The following TCERG1L variants were observed in gnomAD, a reference collection of about 807,000 sequenced individuals.
TCERG1L encodes the protein transcription elongation regulator 1 like, also known as transcription elongation regulator 1-like protein.
In TCERG1L, 37 loss-of-function variants were observed where a neutral mutation model predicts 56.3. The observed-to-expected ratio is 0.66, with a 90% confidence interval of 0.51 to 0.87. The LOEUF is 0.87. Ranked by LOEUF, TCERG1L falls within the 40% of genes least tolerant of loss-of-function variation. The pLI, the probability that TCERG1L is intolerant of heterozygous loss-of-function variation, is 0.00. For missense variants in TCERG1L, 799 were observed against 774.2 expected, an observed-to-expected ratio of 1.03 and a Z score of -0.38; for synonymous variants, 324 against 326.3, an observed-to-expected ratio of 0.99 and a Z score of 0.08.
At chr10:131,234,906 G>A (rs922354233) in intron 4 of TCERG1L, among the ~76,000 whole-genome samples, 14 of 152,220 alleles carry the variant, frequency 9.2e-5, no homozygotes, top group African/African-American at 3.1e-4. Flanking sequence ...GTTTCATCAT[G>A]TTGGCCAGGA....
At chr10:131,139,416 C>G (rs539719197) in intron 7 of TCERG1L, among the ~76,000 whole-genome samples, 2 of 152,104 alleles carry the variant, frequency 1.3e-5, no homozygotes, top group African/African-American at 2.4e-5. Context: ...GGTAGGGGGA[C>G]AGGAGATGGA....
intron 4 of TCERG1L, among the ~76,000 whole-genome samples, chr10:131,223,314 C>T (rs1226829994): frequency 2.6e-5 from 4 of 152,200 alleles, no homozygotes; most frequent in South Asian, 2.1e-4. Flanking sequence ...CCAATCCAGG[C>T]GTCAAGGTGG....
intron 4 of TCERG1L, among the ~76,000 whole-genome samples, chr10:131,174,257 C>G (rs1589736656): frequency 6.6e-6 from 1 of 152,204 alleles, no homozygotes; most frequent in Non-Finnish European, 1.5e-5. Flanking sequence ...GGTGGTGGCA[C>G]CTCTGACAGA....
intron 3 of TCERG1L, among the ~76,000 whole-genome samples, chr10:131,290,940 G>T (rs75017784): frequency 6.6e-6 from 1 of 152,146 alleles, no homozygotes; most frequent in Admixed American, 6.6e-5. Flanking sequence ...TATGCTGCAG[G>T]CGTGGCCCGT....
intron 4 of TCERG1L, among the ~76,000 whole-genome samples, chr10:131,171,372 T>G (rs1846091725): frequency 6.6e-6 from 1 of 152,024 alleles, no homozygotes; most frequent in Non-Finnish European, 1.5e-5. Flanking sequence ...CGTATTGCGC[T>G]TCTCAGTCAT....
At chr10:131,126,685 G>A (rs990844710) in intron 8 of TCERG1L, among the ~76,000 whole-genome samples, 1 of 152,184 alleles carries the variant, frequency 6.6e-6, no homozygotes, top group Non-Finnish European at 1.5e-5. Flanking sequence ...CCCAGGACAT[G>A]TTTCTGCACC....
At chr10:131,301,174 A>C (rs2133582232) in intron 3 of TCERG1L, among the ~76,000 whole-genome samples, 1 of 152,094 alleles carries the variant, frequency 6.6e-6, no homozygotes, top group Admixed American at 6.5e-5. Context: ...AATCCTTGTC[A>C]ATTTCAGTCC....
chr10:131,292,917 C>T (rs1432710578), intron 3 of TCERG1L, among the ~76,000 whole-genome samples: 1 of 150,364 alleles, frequency 6.7e-6, no homozygotes, highest in African/African-American at 2.5e-5. Context: ...GAGGTGCGAT[C>T]TCGGCTCACT....
chr10:131,258,584 A>G (rs762386399), intron 4 of TCERG1L, among the ~76,000 whole-genome samples: 1 of 152,136 alleles, frequency 6.6e-6, no homozygotes, highest in Non-Finnish European at 1.5e-5. Flanking sequence ...ATCCTGTCCT[A>G]TGGGCAGGGT....
At chr10:131,272,168 G>A (rs745882789) in intron 3 of TCERG1L, among the ~76,000 whole-genome samples, 2 of 152,074 alleles carry the variant, frequency 1.3e-5, no homozygotes, top group Non-Finnish European at 2.9e-5. Flanking sequence ...TGAGAACACC[G>A]TGTCTTGCGC....
At chr10:131,229,131 A>G (rs1399793680) in intron 4 of TCERG1L, among the ~76,000 whole-genome samples, 1 of 138,568 alleles carries the variant, frequency 7.2e-6, no homozygotes, top group East Asian at 2.2e-4. Context: ...AGGTCTCCGG[A>G]GGCTCCCCTC....
At chr10:131,179,498 GCCCTCGGTCCA>G (rs1180881177) in intron 4 of TCERG1L, among the ~76,000 whole-genome samples, 2 of 152,122 alleles carry the variant, frequency 1.3e-5, no homozygotes. Context: ...CACCGGAGTA[GCCCTCGGTCCA>G]CCCTCGGGCA....
At chr10:131,191,935 C>T (rs1845308678) in intron 4 of TCERG1L, among the ~76,000 whole-genome samples, 1 of 111,746 alleles carries the variant, frequency 8.9e-6, no homozygotes, top group Admixed American at 8.7e-5. Context: ...TAGAAGACAA[C>T]ACTGGAAAAA....
intron 4 of TCERG1L, among the ~76,000 whole-genome samples, chr10:131,225,555 T>C (rs577572872): frequency 2.4e-4 from 36 of 152,294 alleles, no homozygotes; most frequent in Non-Finnish European, 4.3e-4. Flanking sequence ...TGCATTTCGA[T>C]TGATTTCAAG....
chr10:131,156,562 A>G (rs1845925166), intron 6 of TCERG1L, among the ~76,000 whole-genome samples: 1 of 152,166 alleles, frequency 6.6e-6, no homozygotes, highest in African/African-American at 2.4e-5. Flanking sequence ...AAGAAAAAGT[A>G]AAAACTAAAA....
chr10:131,311,163 G>T lies in TCERG1L; in HGVS notation c.342+131C>A. 1 of 699,354 alleles carries T rather than the reference G, an allele frequency of 1.4e-6. No individual in the cohort carries two copies. The highest frequency in any genetic ancestry group is 1.9e-6 in the Non-Finnish European group (1 of 521,834). 43.3% of individuals were successfully genotyped at this position (699,354 alleles called of 1,614,324 possible). ...AGGCACGGCTGCCGGGCTCCGTCCT[G>T]AGGGTTTGGGGCGGCGAGGACCGCC... On this transcript the variant is annotated intron_variant, in intron 1 of 11. Transcript: ENST00000368642. The surrounding 1 kb of genome is among the most constrained non-coding windows in gnomAD (Gnocchi z 4.0).
chr10:131,185,803 A>C (rs766632518), intron 4 of TCERG1L, among the ~76,000 whole-genome samples: 2 of 152,234 alleles, frequency 1.3e-5, no homozygotes, highest in Non-Finnish European at 2.9e-5. Flanking sequence ...TCTAGAAAAC[A>C]GTCAAAAAGT....
At chr10:131,114,191 G>C (rs1383114297) in intron 9 of TCERG1L, among the ~76,000 whole-genome samples, 4 of 141,916 alleles carry the variant, frequency 2.8e-5, no homozygotes, top group Non-Finnish European at 6.3e-5. Context: ...CGGAAGTATT[G>C]AACAAATGCA....
intron 4 of TCERG1L, among the ~76,000 whole-genome samples, chr10:131,218,118 G>T (rs78234143): frequency 0.011 from 1,727 of 152,274 alleles, 29 homozygotes; most frequent in African/African-American, 0.04. Context: ...GTTGGACACA[G>T]CCCATTTTTT....
Sources: allele counts gnomAD v4.1 joint callset (sites outside exome capture counted in the v4.1 genomes callset), GRCh38; gene constraint gnomAD v4.1.1; non-coding constraint Gnocchi (gnomAD v3.1); transcripts MANE v1.5; gene names NCBI Gene and HGNC (gene_info 2026-07-23, HGNC 2026-07-21).